ERAP1: variants seen among roughly 807,000 people sequenced by gnomAD.
The protein encoded by ERAP1 is adipocyte-derived leucine aminopeptidase.
In ERAP1, 86 loss-of-function variants were observed where a neutral mutation model predicts 103.7. The observed-to-expected ratio is 0.83, with a 90% confidence interval of 0.70 to 0.99. ERAP1 has a LOEUF of 0.99. Ranked by LOEUF, ERAP1 falls within the 50% of genes least tolerant of loss-of-function variation. The probability of loss-of-function intolerance (pLI) is 0.00; values close to 1 mark genes in which losing one functional copy is unlikely to be tolerated. For synonymous variants in ERAP1, 398 were observed against 402.4 expected (o/e 0.99, Z 0.13); for missense variants, 1,009 against 1,128.4 (o/e 0.89, Z 1.52).
At chr5:96,872,089 C>T in the ERAP1 span, among the ~76,000 whole-genome samples, 1 of 151,988 alleles carries the variant, frequency 6.6e-6, no homozygotes. Context: ...AGAACATAGG[C>T]ATAACAATAA....
At chr5:96,877,180 G>A in the ERAP1 span, among the ~76,000 whole-genome samples, 6 of 152,068 alleles carry the variant, frequency 3.9e-5, no homozygotes, top group Non-Finnish European at 7.4e-5. Context: ...TCACCATGTT[G>A]GTGAGGCTGG....
the ERAP1 span, among the ~76,000 whole-genome samples, chr5:96,851,298 G>A: frequency 7.0e-4 from 106 of 152,242 alleles, 1 homozygote; most frequent in African/African-American, 2.5e-3. Flanking sequence ...GGTGAACTTG[G>A]TTTCCTTAAT....
At chr5:96,834,089 G>A in the ERAP1 span, among the ~76,000 whole-genome samples, 16 of 152,154 alleles carry the variant, frequency 1.1e-4, no homozygotes, top group Non-Finnish European at 1.8e-4. Flanking sequence ...ATGAGAAAGC[G>A]GTAGCCTTAA....
upstream of ERAP1, among the ~76,000 whole-genome samples, chr5:96,812,201 A>G (rs964955807): frequency 6.6e-6 from 1 of 152,248 alleles, no homozygotes; most frequent in Admixed American, 6.5e-5. Context: ...AAAATTATCT[A>G]TGACACACAA....
chr5:96,923,571 G>A, the ERAP1 span, among the ~76,000 whole-genome samples: 16 of 151,676 alleles, frequency 1.1e-4, no homozygotes, highest in Middle Eastern at 3.4e-3. Flanking sequence ...GCGGGCGCCC[G>A]TAGTCCCAGC....
At chr5:96,765,004 C>G (rs1749524676) in intron 19 of ERAP1, among the ~76,000 whole-genome samples, 1 of 152,010 alleles carries the variant, frequency 6.6e-6, no homozygotes, top group Admixed American at 6.6e-5. Context: ...TGCTGGCCCT[C>G]CAACCCCAGT....
chr5:96,781,802 C>A lies in ERAP1; in HGVS notation c.2338G>T (p.Glu780Ter). 2.5e-6 allele frequency: 4 copies of A among 1,614,132 alleles called. No homozygotes were observed. Among genetic ancestry groups the A allele is most frequent in the Non-Finnish European group, 2.5e-6 (3 of 1,180,024 alleles). ...TTACTATAAAGAAAATCCCAGCCTT[C>A]TGTGCTCTGGGCCCCCACAGCAAAC... ...AVFAVGAQST[E>*]GWDFLYSKYQ... Residue 780 changes from glutamate to a stop codon, truncating the protein, a stop_gained, in exon 16 of 19, where the codon GAA becomes TAA. Transcript: ENST00000443439. LOFTEE classifies it high-confidence loss of function.
chr5:96,783,055 A>G lies in ERAP1; in HGVS notation c.2281T>C (p.Leu761=), dbSNP rs1775444105. ...GGTTATTTAGTAAGGACTGACCTCA[A>G]GTTTCCATTGGATTCCTTCCACTTT... ...FRKWKESNGN[L]SLPVDVTLAV... The change falls in exon 15 of 19, where the codon TTG becomes CTG. Residue 761 remains leucine, a synonymous_variant. Transcript: ENST00000443439. 2.5e-6 allele frequency: 4 copies of G among 1,614,212 alleles called. No homozygotes were observed. Among genetic ancestry groups the G allele is most frequent in the Non-Finnish European group, 3.4e-6 (4 of 1,180,022 alleles).
At position 96,803,358 on chromosome 5, in the gene ERAP1, G is replaced by A. The variant is rs200264416; in HGVS notation, c.524+45C>T. The A allele has an allele frequency of 3.9e-3, 5,958 of 1,540,934 alleles. 25 individuals are homozygous for A. Among genetic ancestry groups the A allele is most frequent in the Middle Eastern group, 7.1e-3 (42 of 5,900 alleles). The stretch of plus-strand genomic sequence containing the variant: ...ATCAATCTGAAATAATGAATTTAGC[G>A]TGGGCAGCACTTGCAGTTTAAAAGA... On this transcript the variant is annotated intron_variant, in intron 2 of 18. Coordinates refer to ENST00000443439, the MANE Select transcript of ERAP1 (RefSeq NM_001040458.3).
At chr5:96,889,762 C>T in the ERAP1 span, among the ~76,000 whole-genome samples, 1 of 152,012 alleles carries the variant, frequency 6.6e-6, no homozygotes, top group African/African-American at 2.4e-5. Context: ...GGAAACACAC[C>T]TCCCATCGTG....
Position 96,797,186 on chromosome 5 carries a change from T to A in ERAP1, c.787A>T (p.Ser263Cys), listed in dbSNP as rs768578615. The change falls in exon 4 of 19, where the codon AGT becomes TGT. Residue 263 changes from serine to cysteine, a missense_variant. Ser to Cys is a moderately radical substitution (Grantham distance 112, BLOSUM62 -1). Transcript: ENST00000443439. ...DFESVSKITK[S>C]GVKVSVYAVP... The stretch of plus-strand genomic sequence containing the variant: ...AGTCATAGGCTCACCTTGACTCCAC[T>A]CTTGGTTATCTTGCTGACAGACTCA... The A allele has an allele frequency of 1.4e-5, 23 of 1,614,010 alleles. No homozygotes were observed. The South Asian group carries it at 2.2e-4, about 15-fold the overall frequency.
intron 16 of ERAP1, 132 bp from the exon 17 acceptor site, chr5:96,781,330 C>T: frequency 2.3e-6 from 2 of 884,836 alleles, no homozygotes; most frequent in Non-Finnish European, 3.5e-6. Flanking sequence ...AATGGGTAAC[C>T]ACAATCCTGA....
At chr5:96,847,117 G>A in the ERAP1 span, among the ~76,000 whole-genome samples, 3,840 of 150,878 alleles carry the variant, frequency 0.025, 182 homozygotes, top group African/African-American at 0.089. Context: ...ACGTGGCTGC[G>A]TGCACCTGTA....
the ERAP1 span, among the ~76,000 whole-genome samples, chr5:96,921,684 C>G: frequency 9.2e-3 from 1,406 of 152,294 alleles, 24 homozygotes; most frequent in African/African-American, 0.032. Flanking sequence ...GGTCAGGAAA[C>G]TGGTTTTCTA....
chr5:96,779,132 C>G (rs1462492653), intron 18 of ERAP1, among the ~76,000 whole-genome samples: 1 of 152,208 alleles, frequency 6.6e-6, no homozygotes, highest in East Asian at 1.9e-4. Context: ...GAGCATGTAA[C>G]TACTTGACAT....
chr5:96,841,747 C>CTTTTTTTTTTTTTTTTTTTTTT, the ERAP1 span, among the ~76,000 whole-genome samples: 1 of 108,522 alleles, frequency 9.2e-6, no homozygotes, highest in East Asian at 2.7e-4. Context: ...TCTTCTTCTT[C>CTTTTTTTTTTTTTTTTTTTTTT]TTTTTTTTTT....
chr5:96,868,527 A>G, the ERAP1 span, among the ~76,000 whole-genome samples: 1 of 152,208 alleles, frequency 6.6e-6, no homozygotes, highest in Non-Finnish European at 1.5e-5. Flanking sequence ...AAACTTAGAG[A>G]AAAAGTGTCT....
chr5:96,798,265 C>T (rs573376721), intron 3 of ERAP1, among the ~76,000 whole-genome samples: 44 of 140,606 alleles, frequency 3.1e-4, no homozygotes, highest in African/African-American at 1.2e-3. Flanking sequence ...GCAGAGCTTG[C>T]AGTGAGCCGA....
Position 96,800,902 on chromosome 5 carries a change from C to G in ERAP1, c.623G>C (p.Arg208Thr). 6.2e-7 allele frequency: 1 copy of G among 1,614,126 alleles called. No individual in the cohort carries two copies. Residue 208 changes from arginine (R) to threonine (T), a missense_variant, in exon 3 of 19, where the codon AGA becomes ACA. By Grantham distance (71) the Arg-to-Thr change is moderately conservative. This residue lies in a region of ERAP1 where 392 missense variants were observed against 455.2 expected (regional missense o/e 0.86). Transcript: ENST00000443439. Reference sequence around the variant, plus strand: ...GATGGCTAGGTGCCTTGGCTCTCTTCTAATTTTGATTGAGAAACTTGCTTT... The same window carrying G: ...GATGGCTAGGTGCCTTGGCTCTCTTGTAATTTTGATTGAGAAACTTGCTTT... ...AFKASFSIKI[R>T]REPRHLAISN...
Sources: allele counts gnomAD v4.1 joint callset (sites outside exome capture counted in the v4.1 genomes callset), GRCh38; gene constraint gnomAD v4.1.1; regional missense constraint gnomAD v4.1.1; transcripts MANE v1.5; gene names NCBI Gene and HGNC (gene_info 2026-07-23, HGNC 2026-07-21).